The following ASPM variants were observed in gnomAD, a reference collection of about 807,000 sequenced individuals.
ASPM encodes the protein abnormal spindle-like microcephaly-associated protein.
A neutral mutation model predicts 366.4 loss-of-function variants in ASPM; 256 were observed. The ratio of observed to expected loss-of-function variants is 0.70; its 90% CI spans 0.63 to 0.77. ASPM has a LOEUF of 0.77. Among genes scored for constraint, ASPM ranks in the 30% least tolerant of loss-of-function variants. The pLI is 0.00. For missense variants in ASPM, 4,146 were observed against 4,090.4 expected, an observed-to-expected ratio of 1.01 and a Z score of -0.37; for synonymous variants, 1,414 against 1,342.9, an observed-to-expected ratio of 1.05 and a Z score of -1.16.
At chr1:197,144,448 AC>A (rs1246495650) in intron 1 of ASPM, among the ~76,000 whole-genome samples, 1 of 152,180 alleles carries the variant, frequency 6.6e-6, no homozygotes, top group Non-Finnish European at 1.5e-5. Flanking sequence ...AAACACAAGG[AC>A]CCTGCATTAT....
At chr1:197,094,235 T>A in intron 19 of ASPM, 55 bp from the exon 20 acceptor site, 1 of 1,012,226 alleles carries the variant, frequency 9.9e-7, no homozygotes, top group Non-Finnish European at 1.5e-6. Flanking sequence ...ATTCAATGAG[T>A]ATTTATTGCC....
chr1:197,090,404 C>CA lies in ASPM; in HGVS notation c.9637-17dup. Reference sequence around the variant, plus strand: ...TCCATAATGCCTTAAAGAGATAAAACAGAGTAATTTTAAGATTATAGCCAA... The same window carrying CA: ...TCCATAATGCCTTAAAGAGATAAAACAAGAGTAATTTTAAGATTATAGCCAA... On this transcript the variant is annotated splice_polypyrimidine_tract_variant and intron_variant, in intron 23 of 27. Transcript: ENST00000367409. 2 of 1,573,392 alleles carry CA rather than the reference C, an allele frequency of 1.3e-6. No homozygotes were observed. The highest frequency in any genetic ancestry group is 1.7e-6 in the Non-Finnish European group (2 of 1,150,096).
Position 197,142,345 on chromosome 1 carries a change from A to G in ASPM, c.1907T>C (p.Leu636Pro), listed in dbSNP as rs1037615421. 5.0e-6 allele frequency: 8 copies of G among 1,613,592 alleles called. No homozygotes were observed. Among genetic ancestry groups the G allele is most frequent in the Non-Finnish European group, 6.8e-6 (8 of 1,179,720 alleles). Reference protein sequence around the residue: ...KRISNREKLNLKKKTDLSIFR... With the variant: ...KRISNREKLNPKKKTDLSIFR... Reference sequence around the variant, plus strand: ...ACAAGACTCACCAGTTTTCTTCTTCAGGTTTAATTTCTCTCTGTTGCTAAT... The same window carrying G: ...ACAAGACTCACCAGTTTTCTTCTTCGGGTTTAATTTCTCTCTGTTGCTAAT... Residue 636 changes from leucine to proline, a missense_variant, in exon 3 of 28, where the codon CTG (leucine) becomes CCG (proline). Physicochemically the swap from Leu to Pro is moderately conservative, Grantham distance 98. This residue lies in a region of ASPM where 3,624 missense variants were observed against 3,591.7 expected (regional missense o/e 1.01). Transcript: ENST00000367409.
chr1:197,140,987 A>C lies in ASPM; in HGVS notation c.1922-1116T>G, dbSNP rs749532982. Among the ~76,000 whole-genome samples the C allele has an allele frequency of 4.9e-4, 74 of 152,210 alleles. 1 individual carries two copies. Among genetic ancestry groups the C allele is most frequent in the Non-Finnish European group, 5.9e-5 (4 of 68,016 alleles). ...TCAAAGAAAATGCAATACAAATTGC[A>C]GTAGCAAATAACCTATTGGAATAGC... On this transcript the variant is annotated intron_variant, in intron 3 of 27. Coordinates refer to ENST00000367409, the MANE Select transcript of ASPM (RefSeq NM_018136.5).
chr1:197,107,867 A>T (rs1657459389), intron 17 of ASPM, among the ~76,000 whole-genome samples: 1 of 152,166 alleles, frequency 6.6e-6, no homozygotes, highest in East Asian at 1.9e-4. Flanking sequence ...CAACAAGTCA[A>T]TTATGCTATT....
intron 21 of ASPM, among the ~76,000 whole-genome samples, chr1:197,092,421 A>C (rs1656814433): frequency 6.6e-6 from 1 of 151,944 alleles, no homozygotes; most frequent in African/African-American, 2.4e-5. Context: ...AAATCAGAAA[A>C]AGTATATGAA....
chr1:197,122,116 C>A (rs1020752690), intron 15 of ASPM, 43 bp downstream of exon 15: 2 of 1,597,276 alleles, frequency 1.3e-6, no homozygotes, highest in Middle Eastern at 1.7e-4. Context: ...TCTTCTGAGA[C>A]TTTATTATTG....
At position 197,144,037 on chromosome 1, in the gene ASPM, T is replaced by C; in HGVS notation, c.361A>G (p.Ile121Val). ...TPLKEGRVRE[I>V]MTFLVNDVLK... ...ACATCATTTACAAGAAATGTCATAA[T>C]CTCTCTTACTCGGCCTTCTTTGAGT... is the stretch of plus-strand genomic sequence containing the variant. Residue 121 changes from isoleucine (I) to valine (V), a missense_variant, in exon 2 of 28, where the codon ATT becomes GTT. Coordinates refer to ENST00000367409, the MANE Select transcript of ASPM (RefSeq NM_018136.5). 1 of 1,610,718 alleles carries C rather than the reference T, an allele frequency of 6.2e-7. No individual in the cohort carries two copies. Among genetic ancestry groups the C allele is most frequent in the Non-Finnish European group, 8.5e-7 (1 of 1,177,164 alleles).
chr1:197,087,687 C>A (rs1656640124), intron 26 of ASPM, among the ~76,000 whole-genome samples: 1 of 152,182 alleles, frequency 6.6e-6, no homozygotes. Context: ...CACTACATAT[C>A]AACACTTGCC....
chr1:197,112,916 A>T (rs982328305), intron 17 of ASPM, among the ~76,000 whole-genome samples: 4 of 152,078 alleles, frequency 2.6e-5, no homozygotes, highest in Non-Finnish European at 5.9e-5. Flanking sequence ...ATTAACTGAG[A>T]CCTGACTCAA....
rs1402371622 is a variant in ASPM at position 197,143,730 on chromosome 1, A to T, written c.522T>A (p.Asn174Lys). ...GGGAAACACTAAATGTTTTATTAAC[A>T]TTCTGAATATTTGAAACCCTTCTGT... is the stretch of plus-strand genomic sequence containing the variant. The part of the protein sequence containing the change: ...SHNRRVSNIQ[N>K]VNKTFSVSQK... The change falls in exon 3 of 28, where the codon AAT becomes AAA. Residue 174 changes from asparagine to lysine, a missense_variant. This residue lies in a region of ASPM where 512 missense variants were observed against 471.7 expected (regional missense o/e 1.09). Transcript: ENST00000367409. 5 of 1,613,590 alleles carry T rather than the reference A, an allele frequency of 3.1e-6. No homozygotes were observed. The highest frequency in any genetic ancestry group is 4.2e-6 in the Non-Finnish European group (5 of 1,179,798).
chr1:197,106,987 G>T (rs1196077582), intron 17 of ASPM, among the ~76,000 whole-genome samples: 2 of 152,008 alleles, frequency 1.3e-5, no homozygotes. Flanking sequence ...GCCATACTTT[G>T]TTTTTCCTCA....
At chr1:197,093,532 G>A (rs1258229146) in intron 20 of ASPM, among the ~76,000 whole-genome samples, 1 of 151,776 alleles carries the variant, frequency 6.6e-6, no homozygotes, top group Non-Finnish European at 1.5e-5. Context: ...ATTGTGAGAG[G>A]GAAAAGGACT....
chr1:197,103,110 T>C lies in ASPM; in HGVS notation c.6141A>G (p.Ala2047=), dbSNP rs1442724163. ...RKRIKDCNKA[A]VTIQSKYRAY... ...CTCTGTATTTAGACTGTATAGTGAC[T>C]GCTGCTTTGTTGCAATCCTTTATTC... The change falls in exon 18 of 28, where the codon GCA becomes GCG. Residue 2047 remains alanine, a synonymous_variant. Transcript: ENST00000367409. 2 of 1,612,774 alleles carry C rather than the reference T, an allele frequency of 1.2e-6. No individual in the cohort carries two copies. Among genetic ancestry groups the C allele is most frequent in the Non-Finnish European group, 1.7e-6 (2 of 1,179,382 alleles).
At chr1:197,129,068 CCT>C in intron 9 of ASPM, 117 bp downstream of exon 9, 2 of 1,158,296 alleles carry the variant, frequency 1.7e-6, no homozygotes, top group Non-Finnish European at 2.5e-6. Context: ...CTATTTTACT[CCT>C]CTGAGTATTA....
chr1:197,144,160 C>T, intron 1 of ASPM, 60 bp from the exon 2 acceptor site: 1 of 1,206,346 alleles, frequency 8.3e-7, no homozygotes. Flanking sequence ...ACCAAAACAC[C>T]TTATATACAA....
Position 197,086,802 on chromosome 1 carries a change from C to G in ASPM, c.10331+1G>C, listed in dbSNP as rs376500383. The G allele has an allele frequency of 5.0e-6, 8 of 1,602,766 alleles. No individual in the cohort carries two copies. The highest frequency in any genetic ancestry group is 6.8e-6 in the Non-Finnish European group (8 of 1,170,214). ...TTTATGGACTATATTTAATTGCTTA[C>G]CTTGAAACTATTCTGGTCCTTACAG... On this transcript the variant is annotated splice_donor_variant, in intron 27 of 27. Transcript: ENST00000367409. LOFTEE classifies it high-confidence loss of function.
chr1:197,142,739 T>G lies in ASPM; in HGVS notation c.1513A>C (p.Thr505Pro). The change falls in exon 3 of 28, where the codon ACC becomes CCC. Residue 505 changes from threonine (T) to proline (P), a missense_variant. Around this residue, in one of 3 missense-constraint regions of ASPM, gnomAD observed 3,624 missense variants for 3,591.7 expected, o/e 1.01. Transcript: ENST00000367409. ...TTAATCTCAGTTTGGTTTTCTCTGG[T>G]ACAGGTGGCCTTCCTTTTAGTAACA... is the stretch of plus-strand genomic sequence containing the variant. ...ATVTKRKATC[T>P]RENQTEINKP... is the part of the protein sequence containing the mutation. 1 of 1,613,990 alleles carries G rather than the reference T, an allele frequency of 6.2e-7. No individual in the cohort carries two copies. The highest frequency in any genetic ancestry group is 8.5e-7 in the Non-Finnish European group (1 of 1,179,856).
Position 197,089,952 on chromosome 1 carries a change from T to C in ASPM, c.9962A>G (p.Gln3321Arg), listed in dbSNP as rs1210768204. ...PCMEVIRYAVQVLLNVSKYEK... is the reference protein window; with the variant it reads ...PCMEVIRYAVRVLLNVSKYEK... ...TACCTTAGATACATTAAGCAAGACTTGCACAGCATATCTGATGACTTCCAT... is the reference window on the plus strand; with the variant it reads ...TACCTTAGATACATTAAGCAAGACTCGCACAGCATATCTGATGACTTCCAT... Residue 3321 changes from glutamine (Q) to arginine (R), a missense_variant, in exon 25 of 28, where the codon CAA (glutamine) becomes CGA (arginine). Physicochemically the swap from Gln to Arg is conservative, Grantham distance 43 (BLOSUM62 1). Coordinates refer to ENST00000367409, the MANE Select transcript of ASPM (RefSeq NM_018136.5). The C allele has an allele frequency of 2.5e-6, 4 of 1,613,164 alleles. No individual in the cohort carries two copies. The highest frequency in any genetic ancestry group is 3.4e-6 in the Non-Finnish European group (4 of 1,179,454).
Sources: gnomAD v4.1 joint callset for allele counts (sites outside exome capture counted in the v4.1 genomes callset) on GRCh38, gnomAD v4.1.1 for gene constraint, gnomAD v4.1.1 regional missense constraint, MANE v1.5 for transcripts, NCBI Gene and HGNC (gene_info 2026-07-23, HGNC 2026-07-21) for gene names.